Variants in VPS37C observed in about 807,000 individuals in gnomAD.
The protein encoded by VPS37C is vacuolar protein sorting-associated protein 37C.
In VPS37C, 9 loss-of-function variants were observed where a neutral mutation model predicts 16.1. The ratio of observed to expected loss-of-function variants is 0.56; its 90% CI spans 0.34 to 0.97. VPS37C has a LOEUF of 0.97. Among genes scored for constraint, VPS37C ranks in the 50% least tolerant of loss-of-function variants. The pLI is 0.02. For missense variants in VPS37C, 479 were observed against 472.7 expected (o/e 1.01, Z -0.12); for synonymous variants, 207 against 206.4 (o/e 1.00, Z -0.02).
At chr11:61,137,884 TC>T (rs1178019391) in intron 2 of VPS37C, among the ~76,000 whole-genome samples, 2 of 152,078 alleles carry the variant, frequency 1.3e-5, no homozygotes, top group Non-Finnish European at 2.9e-5. Context: ...AGCAGGGGAC[TC>T]ACCGGCCTGG....
chr11:61,152,159 CT>C (rs1459211136), intron 1 of VPS37C, among the ~76,000 whole-genome samples: 7 of 152,276 alleles, frequency 4.6e-5, no homozygotes, highest in African/African-American at 1.7e-4. Context: ...CAAGGTGTGT[CT>C]GTTCAAAGCC....
rs192444854 is a variant in VPS37C at position 61,131,727 on chromosome 11, G to A, written c.*93C>T. The A allele has an allele frequency of 1.7e-5, 21 of 1,231,598 alleles. No individual in the cohort carries two copies. In the South Asian group the frequency reaches 3.3e-4, roughly 20 times the overall value. 76.3% of individuals were successfully genotyped at this position (1,231,598 alleles called of 1,614,324 possible). On this transcript the variant is annotated 3_prime_UTR_variant, in exon 5 of 5. Coordinates refer to ENST00000301765, the MANE Select transcript of VPS37C (RefSeq NM_017966.5). The stretch of plus-strand genomic sequence containing the variant: ...ACGCAAGTCCACAGGGAGCACCAAC[G>A]CCACTTCCAGTTGACCCTCGAATCT...
At position 61,130,882 on chromosome 11, in the gene VPS37C, AGAAGGGGAGG is replaced by A. The variant is rs773604853; in HGVS notation, c.*928_*937del. On this transcript the variant is annotated 3_prime_UTR_variant, in exon 5 of 5. Transcript: ENST00000301765. The stretch of plus-strand genomic sequence containing the variant: ...GTGGGAGGATTACATCAACAGAGTG[AGAAGGGGAGG>A]GGAAGGGAGGGGGCTGCTTGTGAAT... The A allele has an allele frequency of 5.0e-6, 2 of 404,038 alleles. No homozygotes were observed. Among genetic ancestry groups the A allele is most frequent in the Middle Eastern group, 3.4e-4 (1 of 2,914 alleles). 25.0% of individuals were successfully genotyped at this position (404,038 alleles called of 1,614,324 possible).
At chr11:61,155,121 C>A (rs113659852) in intron 1 of VPS37C, among the ~76,000 whole-genome samples, 2 of 130,916 alleles carry the variant, frequency 1.5e-5, no homozygotes, top group East Asian at 2.5e-4. Context: ...AAAAAAAAGG[C>A]GGGGGGACAG....
Position 61,130,453 on chromosome 11 carries a change from G to A in VPS37C, c.*1367C>T. ...CGCGGATGGCACATAGGCCGGGGAG[G>A]GGCAGGCACCAGAAGGTCAAGGTCC... On this transcript the variant is annotated 3_prime_UTR_variant, in exon 5 of 5. Coordinates refer to ENST00000301765, the MANE Select transcript of VPS37C (RefSeq NM_017966.5). The A allele has an allele frequency of 5.5e-6, 1 of 182,718 alleles. No homozygotes were observed. Among genetic ancestry groups the A allele is most frequent in the Non-Finnish European group, 1.1e-5 (1 of 87,988 alleles). 11.3% of individuals were successfully genotyped at this position (182,718 alleles called of 1,614,324 possible). A position where few individuals can be genotyped will look rare whatever the true frequency, so the allele number is the denominator to read the frequency against.
intron 1 of VPS37C, chr11:61,145,202 T>C (rs535353450): frequency 6.6e-6 from 1 of 152,264 alleles, no homozygotes; most frequent in East Asian, 1.9e-4. Context: ...AGAGATAAAA[T>C]GAATCCCAGA....
chr11:61,133,468 G>A, intron 3 of VPS37C, 131 bp from the exon 4 acceptor site: 1 of 911,780 alleles, frequency 1.1e-6, no homozygotes, highest in Non-Finnish European at 1.7e-6. Context: ...GTCCTTCTGG[G>A]TGGGCTTGAT....
chr11:61,155,048 G>A (rs1214202311), intron 1 of VPS37C, among the ~76,000 whole-genome samples: 3 of 151,492 alleles, frequency 2.0e-5, no homozygotes, highest in Non-Finnish European at 2.9e-5. Context: ...AAGCTGCAGT[G>A]AGCTATGATC....
chr11:61,133,338 CT>C lies in VPS37C; in HGVS notation c.266-2del. The C allele has an allele frequency of 6.2e-7, 1 of 1,613,942 alleles. No individual in the cohort carries two copies. Among genetic ancestry groups the C allele is most frequent in the Non-Finnish European group, 8.5e-7 (1 of 1,179,958 alleles). On this transcript the variant is annotated splice_acceptor_variant, in intron 3 of 4. Coordinates refer to ENST00000301765, the MANE Select transcript of VPS37C (RefSeq NM_017966.5). LOFTEE classifies it high-confidence loss of function. ...GGCTGCAGTGCTGAAGAAAATTTCT[CT>C]GGAAGGGAGGGCAGAACGACTGACA...
chr11:61,139,691 G>T (rs1050175937), intron 1 of VPS37C, among the ~76,000 whole-genome samples: 2 of 151,312 alleles, frequency 1.3e-5, no homozygotes, highest in Non-Finnish European at 2.9e-5. Context: ...TGCTGACAGG[G>T]TCCTCCATTT....
Position 61,133,288 on chromosome 11 carries a change from C to G in VPS37C, c.315G>C (p.Gln105His). 1 of 1,614,232 alleles carries G rather than the reference C, an allele frequency of 6.2e-7. No homozygotes were observed. Among genetic ancestry groups the G allele is most frequent in the Non-Finnish European group, 8.5e-7 (1 of 1,180,042 alleles). ...LQPGTLLDLL[Q>H]VEGMKIEEES... ...CTTCTTCGATCTTCATGCCTTCCAC[C>G]TGCAGAAGGTCTAACAAGGTCCCTG... Residue 105 changes from glutamine (Q) to histidine (H), a missense_variant, in exon 4 of 5, where the codon CAG (glutamine) becomes CAC (histidine). Gln to His is a conservative substitution (Grantham distance 24, BLOSUM62 0). Transcript: ENST00000301765.
At chr11:61,145,860 C>T (rs1853198199) in intron 1 of VPS37C, among the ~76,000 whole-genome samples, 1 of 152,234 alleles carries the variant, frequency 6.6e-6, no homozygotes, top group South Asian at 2.1e-4. Flanking sequence ...ACGAGTCCAA[C>T]TACCTGGGCC....
At chr11:61,158,319 C>T (rs959711266) in intron 1 of VPS37C, among the ~76,000 whole-genome samples, 3 of 152,152 alleles carry the variant, frequency 2.0e-5, no homozygotes, top group African/African-American at 4.8e-5. Flanking sequence ...ACTGAAAGAA[C>T]GGAAGACCAA....
intron 1 of VPS37C, among the ~76,000 whole-genome samples, chr11:61,139,935 G>T (rs12283624): frequency 0.074 from 11,326 of 152,032 alleles, 1,135 homozygotes; most frequent in African/African-American, 0.23. Flanking sequence ...TAGAGACAGG[G>T]TCTCACTATT....
chr11:61,137,670 A>G (rs1861403583), intron 2 of VPS37C, among the ~76,000 whole-genome samples: 1 of 152,182 alleles, frequency 6.6e-6, no homozygotes, highest in South Asian at 2.1e-4. Flanking sequence ...GGGCTTCGAC[A>G]AGCAAGCTTT....
intron 1 of VPS37C, among the ~76,000 whole-genome samples, chr11:61,148,792 A>G (rs1853254433): frequency 6.6e-6 from 1 of 152,170 alleles, no homozygotes; most frequent in African/African-American, 2.4e-5. Flanking sequence ...GCTAGAGTGC[A>G]GGGACGCAAA....
At chr11:61,143,665 CT>C (rs765152233) in intron 1 of VPS37C, 4 of 141,404 alleles carry the variant, frequency 2.8e-5, no homozygotes, top group Non-Finnish European at 4.6e-5. Flanking sequence ...CCAGCCAATT[CT>C]TTTTTTTTTC....
Position 61,130,935 on chromosome 11 carries a change from A to G in VPS37C, c.*885T>C. On this transcript the variant is annotated 3_prime_UTR_variant, in exon 5 of 5. Transcript: ENST00000301765. ...TTGTGAATGAGATTCAAGGCACTAA[A>G]GGAGTGGATGGATGCGTGGGCCTCG... The G allele has an allele frequency of 2.6e-6, 1 of 384,132 alleles. No individual in the cohort carries two copies. Among genetic ancestry groups the G allele is most frequent in the Non-Finnish European group, 5.0e-6 (1 of 200,382 alleles). 23.8% of individuals were successfully genotyped at this position (384,132 alleles called of 1,614,324 possible).
intron 1 of VPS37C, among the ~76,000 whole-genome samples, chr11:61,140,282 G>A (rs185288913): frequency 5.9e-5 from 9 of 152,196 alleles, no homozygotes; most frequent in South Asian, 2.1e-4. Flanking sequence ...GGAAGCGAAC[G>A]GCATCTCCTA....
Sources: gnomAD v4.1 joint callset for allele counts (sites outside exome capture counted in the v4.1 genomes callset) on GRCh38, gnomAD v4.1.1 for gene constraint, MANE v1.5 for transcripts, NCBI Gene and HGNC (gene_info 2026-07-23, HGNC 2026-07-21) for gene names.